Variants in CXCL13 observed in about 807,000 individuals in gnomAD.
CXCL13 encodes C-X-C motif chemokine ligand 13.
CXCL13 carries 7 observed loss-of-function variants against 12.2 expected under a neutral mutation model. The observed-to-expected ratio is 0.57, with a 90% CI of 0.33 to 1.07. CXCL13 has a LOEUF of 1.07. CXCL13 is among the 50% of genes least tolerant of loss of function. The pLI is 0.04. For missense variants in CXCL13, 113 were observed against 127.4 expected (o/e 0.89, Z 0.55); for synonymous variants, 47 against 42.4 (o/e 1.11, Z -0.42).
intron 1 of CXCL13, among the ~76,000 whole-genome samples, chr4:77,588,915 T>C (rs1726543739): frequency 6.6e-6 from 1 of 152,192 alleles, no homozygotes; most frequent in Non-Finnish European, 1.5e-5. Context: ...AATTTCCTTT[T>C]ATGACTACCA....
chr4:77,565,541 G>C (rs1010465743), intron 1 of CXCL13, among the ~76,000 whole-genome samples: 3 of 152,118 alleles, frequency 2.0e-5, no homozygotes, highest in Non-Finnish European at 4.4e-5. Context: ...TATATTTGCA[G>C]GGTCAATTCA....
chr4:77,569,534 C>T (rs1474336570), intron 1 of CXCL13, among the ~76,000 whole-genome samples: 1 of 151,976 alleles, frequency 6.6e-6, no homozygotes, highest in Non-Finnish European at 1.5e-5. Flanking sequence ...CACACACATA[C>T]TACACACACA....
chr4:77,516,611 T>C (rs6853873), intron 1 of CXCL13, among the ~76,000 whole-genome samples: 13,175 of 152,076 alleles, frequency 0.087, 1,840 homozygotes, highest in African/African-American at 0.3. Flanking sequence ...GTTTGTAGTA[T>C]TCTCTGATGG....
chr4:77,598,522 G>A (rs1182399860), intron 1 of CXCL13, among the ~76,000 whole-genome samples: 1 of 152,172 alleles, frequency 6.6e-6, no homozygotes, highest in East Asian at 1.9e-4. Context: ...AGAGAGAAGA[G>A]CTTTGAATCA....
chr4:77,565,380 G>T (rs898362091), intron 1 of CXCL13, among the ~76,000 whole-genome samples: 1 of 152,158 alleles, frequency 6.6e-6, no homozygotes, highest in African/African-American at 2.4e-5. Flanking sequence ...AGTGAAGAAA[G>T]GCTAATACTG....
At chr4:77,601,434 A>T (rs1233729342), upstream of CXCL13, among the ~76,000 whole-genome samples, 1 of 152,014 alleles carries the variant, frequency 6.6e-6, no homozygotes, top group African/African-American at 2.4e-5. Context: ...AAAATAAAAC[A>T]CCCCCTGTGT....
At chr4:77,580,870 C>T (rs982237451) in intron 1 of CXCL13, among the ~76,000 whole-genome samples, 1 of 149,760 alleles carries the variant, frequency 6.7e-6, no homozygotes, top group Admixed American at 6.7e-5. Flanking sequence ...TCCTCTTCTC[C>T]TGTGATGAGA....
chr4:77,563,989 C>G (rs924502169), intron 1 of CXCL13, among the ~76,000 whole-genome samples: 6 of 152,170 alleles, frequency 3.9e-5, no homozygotes, highest in Non-Finnish European at 5.9e-5. Context: ...GGGCATGTGA[C>G]AGACGGCCCT....
intron 1 of CXCL13, among the ~76,000 whole-genome samples, chr4:77,577,082 A>G (rs1273949732): frequency 1.3e-5 from 2 of 152,220 alleles, no homozygotes; most frequent in Admixed American, 6.5e-5. Context: ...ATCTGGATCA[A>G]TATTCTAATT....
intron 1 of CXCL13, among the ~76,000 whole-genome samples, chr4:77,537,893 AC>A (rs1465390651): frequency 4.6e-5 from 7 of 152,138 alleles, no homozygotes; most frequent in Admixed American, 4.6e-4. Context: ...ATCCAAATCA[AC>A]CCAGTGAGCT....
At chr4:77,575,002 A>G (rs1726170750) in intron 1 of CXCL13, among the ~76,000 whole-genome samples, 1 of 152,004 alleles carries the variant, frequency 6.6e-6, no homozygotes, top group Admixed American at 6.5e-5. Context: ...GATAATGCTG[A>G]AAGTTCAAAC....
chr4:77,513,491 G>T (rs1258689805), intron 1 of CXCL13, among the ~76,000 whole-genome samples: 2 of 147,518 alleles, frequency 1.4e-5, no homozygotes, highest in African/African-American at 2.5e-5. Flanking sequence ...TCACTCTATT[G>T]CCCAGGCTGG....
chr4:77,582,410 CA>C (rs1365629731), intron 1 of CXCL13, among the ~76,000 whole-genome samples: 3 of 152,198 alleles, frequency 2.0e-5, no homozygotes, highest in East Asian at 3.9e-4. Flanking sequence ...GCAGTGGGAT[CA>C]GGGGAGACAT....
In CXCL13 at chr4:77,580,950, A is replaced by G. The variant is rs147417734; in HGVS notation, c.-42-24874A>G. Among the ~76,000 whole-genome samples the G allele has an allele frequency of 5.5e-3, 815 of 149,030 alleles. 9 individuals are homozygous for G. Among genetic ancestry groups the G allele is most frequent in the African/African-American group, 0.02 (781 of 38,704 alleles). On this transcript the variant is annotated intron_variant, in intron 1 of 4. Coordinates refer to the CXCL13 transcript ENST00000286758. ...TTTCACATTCTCACTTCTTTACTTG[A>G]AAACAAAAACAAAAAAAAACCTATC...
chr4:77,608,206 C>T (rs920169569), intron 2 of CXCL13, among the ~76,000 whole-genome samples: 1 of 152,128 alleles, frequency 6.6e-6, no homozygotes, highest in Admixed American at 6.5e-5. Context: ...TTTAGGAGGC[C>T]GAGGAGGGCG....
intron 1 of CXCL13, among the ~76,000 whole-genome samples, chr4:77,588,801 C>T (rs891401399): frequency 1.1e-4 from 16 of 152,238 alleles, no homozygotes; most frequent in African/African-American, 3.1e-4. Flanking sequence ...CATAGATAAA[C>T]GAGAACAAAG....
rs911722942 is a variant in CXCL13 at position 77,525,804 on chromosome 4, T to C, written c.-43+14016T>C. On this transcript the variant is annotated intron_variant, in intron 1 of 4. Transcript: ENST00000286758. ...TGCTGCAAGCACACCTGGGGTTCTT[T>C]TAAATGGTCATGGCCATGATGGTGT... Among the ~76,000 whole-genome samples the C allele has an allele frequency of 4.4e-4, 67 of 152,148 alleles. 1 individual carries two copies. Among genetic ancestry groups the C allele is most frequent in the African/African-American group, 1.6e-3 (65 of 41,442 alleles).
At chr4:77,531,177 G>T (rs1053337336) in intron 1 of CXCL13, among the ~76,000 whole-genome samples, 5 of 150,106 alleles carry the variant, frequency 3.3e-5, no homozygotes, top group Non-Finnish European at 5.9e-5. Context: ...ACAACGTGCT[G>T]GTTTGTTACA....
chr4:77,609,088 G>A (rs760672113), intron 2 of CXCL13, among the ~76,000 whole-genome samples: 3 of 152,156 alleles, frequency 2.0e-5, no homozygotes, highest in Non-Finnish European at 4.4e-5. Flanking sequence ...TGAAAATACC[G>A]TGAGTCCAGA....
Sources: allele counts gnomAD v4.1 joint callset (sites outside exome capture counted in the v4.1 genomes callset), GRCh38; gene constraint gnomAD v4.1.1; transcripts MANE v1.5; gene names NCBI Gene and HGNC (gene_info 2026-07-23, HGNC 2026-07-21).